The following GHR variants were observed in gnomAD, a reference collection of about 807,000 sequenced individuals.
GHR encodes the protein growth hormone receptor.
In GHR, 35 loss-of-function variants were observed where a neutral mutation model predicts 67.1. The observed-to-expected ratio is 0.52, with a 90% CI of 0.40 to 0.69. The LOEUF is 0.69. GHR is among the 30% of genes least tolerant of loss of function. The pLI, the probability that GHR is intolerant of heterozygous loss-of-function variation, is 0.00. For missense variants in GHR, 792 were observed against 764.6 expected, an observed-to-expected ratio of 1.04 and a Z score of -0.42; for synonymous variants, 272 against 269.1, an observed-to-expected ratio of 1.01 and a Z score of -0.10.
chr5:42,505,383 A>C (rs1200291953), intron 1 of GHR, among the ~76,000 whole-genome samples: 1 of 151,928 alleles, frequency 6.6e-6, no homozygotes, highest in Non-Finnish European at 1.5e-5. Context: ...TTTTTAAAAA[A>C]GTTATCATAC....
At chr5:42,608,049 G>A (rs890545866) in intron 2 of GHR, among the ~76,000 whole-genome samples, 5 of 152,126 alleles carry the variant, frequency 3.3e-5, no homozygotes, top group Non-Finnish European at 7.4e-5. Flanking sequence ...TCATTCAAAA[G>A]ACCAAAATCT....
In GHR at chr5:42,628,935, C is replaced by T. The variant is rs1353588231; in HGVS notation, c.71-103C>T. The T allele has an allele frequency of 3.1e-5, 22 of 719,280 alleles. 4 individuals are homozygous for T. Among genetic ancestry groups the T allele is most frequent in the South Asian group, 3.1e-5 (2 of 64,950 alleles). The allele number at this position is 719,280 out of a possible 1,614,324, so 44.6% of individuals were successfully genotyped here. A position where few individuals can be genotyped will look rare whatever the true frequency, so the allele number is the denominator to read the frequency against. ...CCCCTTGGCCAAGAAGGGGTCCATT[C>T]GGTTGGTTTGGGAAGCTGAGGATTT... On this transcript the variant is annotated intron_variant, in intron 2 of 9. Coordinates refer to ENST00000230882, the MANE Select transcript of GHR (RefSeq NM_000163.5).
intron 4 of GHR, among the ~76,000 whole-genome samples, chr5:42,691,837 G>T (rs931410506): frequency 1.4e-4 from 22 of 152,376 alleles, no homozygotes; most frequent in African/African-American, 4.6e-4. Flanking sequence ...ATCCTGTGAT[G>T]ACGATAGTGC....
In GHR at chr5:42,548,390, T is replaced by C. The variant is rs369698813; in HGVS notation, c.-11-17474T>C. On this transcript the variant is annotated intron_variant, in intron 1 of 9. Transcript: ENST00000230882. The stretch of plus-strand genomic sequence containing the variant: ...TCCAACCCCTCCCTCTCTGTCAGAT[T>C]TTAACCAAATCAGTGTGATGTGATC... 1.1e-5 allele frequency: 11 copies of C among 985,268 alleles called. No homozygotes were observed. The African/African-American group carries it at 1.9e-4, about 17-fold the overall frequency. 61.0% of individuals were successfully genotyped at this position (985,268 alleles called of 1,614,324 possible).
intron 3 of GHR, among the ~76,000 whole-genome samples, chr5:42,658,832 G>C (rs1755402402): frequency 6.6e-6 from 1 of 152,098 alleles, no homozygotes; most frequent in South Asian, 2.1e-4. Flanking sequence ...TGGAAGTTGA[G>C]AAACCCTACC....
At chr5:42,562,941 G>A (rs1472407807) in intron 1 of GHR, among the ~76,000 whole-genome samples, 1 of 152,092 alleles carries the variant, frequency 6.6e-6, no homozygotes, top group Non-Finnish European at 1.5e-5. Context: ...GAGCCACCAC[G>A]CCCCACCTAG....
chr5:42,635,640 A>G (rs1436928425), intron 3 of GHR, among the ~76,000 whole-genome samples: 1 of 152,142 alleles, frequency 6.6e-6, no homozygotes, highest in Non-Finnish European at 1.5e-5. Context: ...TGAAAGAAAT[A>G]TTTGGTCTTA....
chr5:42,432,623 C>A (rs1478185333), intron 1 of GHR, among the ~76,000 whole-genome samples: 1 of 152,204 alleles, frequency 6.6e-6, no homozygotes, highest in African/African-American at 2.4e-5. Flanking sequence ...ATGATAAATT[C>A]TGTAAAGACC....
chr5:42,455,668 T>C (rs1744230258), intron 1 of GHR, among the ~76,000 whole-genome samples: 1 of 152,242 alleles, frequency 6.6e-6, no homozygotes, highest in South Asian at 2.1e-4. Context: ...TTTGCCTTCA[T>C]GGAGATTGCA....
At chr5:42,650,983 C>T (rs1754994980) in intron 3 of GHR, among the ~76,000 whole-genome samples, 1 of 152,008 alleles carries the variant, frequency 6.6e-6, no homozygotes, top group Non-Finnish European at 1.5e-5. Flanking sequence ...GAGGACTTTG[C>T]TAGAAAAATA....
At chr5:42,507,542 A>C (rs1272634238) in intron 1 of GHR, among the ~76,000 whole-genome samples, 1 of 152,236 alleles carries the variant, frequency 6.6e-6, no homozygotes, top group Non-Finnish European at 1.5e-5. Flanking sequence ...AAAATGGTGT[A>C]CATCAGTCAG....
At chr5:42,454,772 C>T (rs544754827) in intron 1 of GHR, among the ~76,000 whole-genome samples, 2 of 152,076 alleles carry the variant, frequency 1.3e-5, no homozygotes, top group South Asian at 4.2e-4. Context: ...AGTCTTACTC[C>T]AGGCCATACA....
At chr5:42,474,285 A>AAGAGAAAGAAAGAAAGAAAGAAAG (rs1257674662) in intron 1 of GHR, among the ~76,000 whole-genome samples, 2 of 28,130 alleles carry the variant, frequency 7.1e-5, no homozygotes, top group Admixed American at 3.7e-4. Context: ...GAAAGAAAGA[A>AAGAGAAAGAAAGAAAGAAAGAAAG]AAAGAGAAAG....
intron 2 of GHR, among the ~76,000 whole-genome samples, chr5:42,614,856 G>A (rs1008843796): frequency 6.6e-6 from 1 of 151,920 alleles, no homozygotes; most frequent in Non-Finnish European, 1.5e-5. Flanking sequence ...TTTACATATT[G>A]TGGAAAAGAA....
At chr5:42,610,412 T>C (rs1025011447) in intron 2 of GHR, among the ~76,000 whole-genome samples, 1 of 152,202 alleles carries the variant, frequency 6.6e-6, no homozygotes, top group Non-Finnish European at 1.5e-5. Flanking sequence ...ACAATGTTTT[T>C]GGGTCTCTCC....
rs988419602 is a variant in GHR at position 42,593,152 on chromosome 5, G to A, written c.70+27208G>A. On this transcript the variant is annotated intron_variant, in intron 2 of 9. Coordinates refer to ENST00000230882, the MANE Select transcript of GHR (RefSeq NM_000163.5). Reference sequence around the variant, plus strand: ...TTTAAAAAACCTTATAATCAATATTGCATTAAAATTTTCAGCTGTGTGATT... The same window carrying A: ...TTTAAAAAACCTTATAATCAATATTACATTAAAATTTTCAGCTGTGTGATT... Among the ~76,000 whole-genome samples the A allele has an allele frequency of 2.0e-5, 3 of 152,036 alleles. No individual in the cohort carries two copies. The East Asian group carries it at 5.8e-4, about 29-fold the overall frequency.
chr5:42,503,295 CA>C (rs1261219229), intron 1 of GHR, among the ~76,000 whole-genome samples: 4 of 151,980 alleles, frequency 2.6e-5, no homozygotes, highest in African/African-American at 9.7e-5. Context: ...TGGGTAGTGT[CA>C]AAATATGGAA....
chr5:42,712,433 C>T (rs984142608), intron 7 of GHR, among the ~76,000 whole-genome samples: 1 of 151,916 alleles, frequency 6.6e-6, no homozygotes, highest in African/African-American at 2.4e-5. Context: ...AAAAAAGAAG[C>T]TCTAACTTTA....
At chr5:42,570,190 A>G (rs1272611841) in intron 2 of GHR, among the ~76,000 whole-genome samples, 1 of 152,234 alleles carries the variant, frequency 6.6e-6, no homozygotes, top group Non-Finnish European at 1.5e-5. Flanking sequence ...TGTGTTCAAG[A>G]ATGAACACTT....
Sources: gnomAD v4.1 joint callset for allele counts (sites outside exome capture counted in the v4.1 genomes callset) on GRCh38, gnomAD v4.1.1 for gene constraint, MANE v1.5 for transcripts, NCBI Gene and HGNC (gene_info 2026-07-23, HGNC 2026-07-21) for gene names.